The following CCSER1 variants were observed in gnomAD, a reference collection of about 807,000 sequenced individuals.
CCSER1 encodes the protein coiled-coil serine rich protein 1.
Under a neutral mutation model 82.0 loss-of-function variants are expected in CCSER1, and 41 were observed. The ratio of observed to expected loss-of-function variants is 0.50; its 90% CI spans 0.39 to 0.65. CCSER1 has a LOEUF of 0.65. CCSER1 is among the 30% of genes least tolerant of loss of function. The pLI is 0.00. For missense variants in CCSER1, 1,119 were observed against 1,064.2 expected (o/e 1.05, Z -0.72); for synonymous variants, 414 against 383.9 (o/e 1.08, Z -0.92).
intron 7 of CCSER1, among the ~76,000 whole-genome samples, chr4:90,802,313 G>A (rs929123983): frequency 1.4e-5 from 2 of 148,008 alleles, no homozygotes; most frequent in African/African-American, 2.5e-5. Flanking sequence ...AATTCTGTGG[G>A]TAAACTATGT....
intron 6 of CCSER1, among the ~76,000 whole-genome samples, chr4:90,653,327 A>T (rs567430339): frequency 6.6e-6 from 1 of 152,162 alleles, no homozygotes; most frequent in Non-Finnish European, 1.5e-5. Context: ...GCGCAGTGGT[A>T]TCATGTGTTA....
At chr4:90,492,442 A>G (rs1315615930) in intron 5 of CCSER1, among the ~76,000 whole-genome samples, 1 of 151,996 alleles carries the variant, frequency 6.6e-6, no homozygotes, top group African/African-American at 2.4e-5. Flanking sequence ...GAGACTATCA[A>G]TTTTGTTGAT....
At chr4:90,420,949 TC>T (rs1756592385) in intron 4 of CCSER1, among the ~76,000 whole-genome samples, 1 of 152,072 alleles carries the variant, frequency 6.6e-6, no homozygotes, top group Non-Finnish European at 1.5e-5. Context: ...TGTGGTGACA[TC>T]TCCATACAAT....
intron 10 of CCSER1, among the ~76,000 whole-genome samples, chr4:91,446,483 T>A (rs896162866): frequency 1.3e-5 from 2 of 151,766 alleles, no homozygotes; most frequent in African/African-American, 4.8e-5. Context: ...ATGGAAACTT[T>A]CAAAATTCAA....
intron 3 of CCSER1, among the ~76,000 whole-genome samples, chr4:90,376,957 C>A (rs546794655): frequency 6.6e-6 from 1 of 152,248 alleles, no homozygotes; most frequent in African/African-American, 2.4e-5. Flanking sequence ...CAAAGGTTTG[C>A]GTTTCACCTG....
At chr4:91,103,466 G>A (rs1725288100) in intron 10 of CCSER1, among the ~76,000 whole-genome samples, 1 of 152,072 alleles carries the variant, frequency 6.6e-6, no homozygotes, top group African/African-American at 2.4e-5. Flanking sequence ...ACATTGTGTT[G>A]TCAAACTATT....
At chr4:91,103,392 A>G (rs531013971) in intron 10 of CCSER1, among the ~76,000 whole-genome samples, 1 of 152,222 alleles carries the variant, frequency 6.6e-6, no homozygotes, top group South Asian at 2.1e-4. Flanking sequence ...TGTCATCGGA[A>G]CCTTTTAAAT....
intron 10 of CCSER1, among the ~76,000 whole-genome samples, chr4:91,415,708 C>T (rs1753319439): frequency 6.6e-6 from 1 of 152,070 alleles, no homozygotes; most frequent in Admixed American, 6.6e-5. Context: ...TGATGAATTA[C>T]ATTTATTGCT....
At chr4:90,413,897 C>T (rs1451366970) in intron 4 of CCSER1, among the ~76,000 whole-genome samples, 2 of 124,740 alleles carry the variant, frequency 1.6e-5, no homozygotes, top group Non-Finnish European at 3.1e-5. Context: ...TGCAGTGAGC[C>T]AAGATTGCGC....
At chr4:90,671,991 G>T (rs1732884319) in intron 6 of CCSER1, among the ~76,000 whole-genome samples, 1 of 151,944 alleles carries the variant, frequency 6.6e-6, no homozygotes, top group Non-Finnish European at 1.5e-5. Context: ...TAAGGAGTAG[G>T]TCTCAACAGT....
chr4:90,575,859 C>T (rs1780697448), intron 5 of CCSER1, among the ~76,000 whole-genome samples: 1 of 152,080 alleles, frequency 6.6e-6, no homozygotes, highest in African/African-American at 2.4e-5. Flanking sequence ...TTCTGATTCC[C>T]TTTCCTTTGT....
At chr4:91,544,316 A>T (rs1761769946) in intron 10 of CCSER1, among the ~76,000 whole-genome samples, 1 of 152,120 alleles carries the variant, frequency 6.6e-6, no homozygotes, top group Non-Finnish European at 1.5e-5. Context: ...CAACTCGTCA[A>T]AGTCATTCTC....
chr4:91,064,952 C>T (rs1218437072), intron 9 of CCSER1, among the ~76,000 whole-genome samples: 1 of 151,582 alleles, frequency 6.6e-6, no homozygotes, highest in Non-Finnish European at 1.5e-5. Flanking sequence ...CCTAGGTTTT[C>T]AATTTTTTTT....
intron 10 of CCSER1, among the ~76,000 whole-genome samples, chr4:91,288,094 GATATATATATAGGAT>G (rs1000591080): frequency 5.0e-5 from 7 of 140,956 alleles, no homozygotes; most frequent in African/African-American, 1.9e-4. Context: ...ATATATATAG[GATATATATATAGGAT>G]ATATATATAT....
intron 10 of CCSER1, among the ~76,000 whole-genome samples, chr4:91,339,762 G>A (rs1747579519): frequency 6.6e-6 from 1 of 152,094 alleles, no homozygotes; most frequent in Non-Finnish European, 1.5e-5. Flanking sequence ...ATGCCTGAAA[G>A]CATAGATAGT....
At chr4:90,161,649 G>C (rs1415675874) in intron 1 of CCSER1, among the ~76,000 whole-genome samples, 1 of 151,956 alleles carries the variant, frequency 6.6e-6, no homozygotes, top group Non-Finnish European at 1.5e-5. Flanking sequence ...ATCTAAAAAA[G>C]TTTTAAGCAC....
At chr4:90,210,933 A>G (rs1466635287) in intron 1 of CCSER1, among the ~76,000 whole-genome samples, 1 of 152,116 alleles carries the variant, frequency 6.6e-6, no homozygotes, top group Non-Finnish European at 1.5e-5. Context: ...TAGCTTTATG[A>G]GAATTCTGTT....
chr4:91,063,487 T>C (rs954771701), intron 9 of CCSER1, among the ~76,000 whole-genome samples: 18 of 152,246 alleles, frequency 1.2e-4, no homozygotes, highest in African/African-American at 3.6e-4. Flanking sequence ...ATGTTTTAAG[T>C]TGAAGTAGAT....
intron 9 of CCSER1, among the ~76,000 whole-genome samples, chr4:90,933,132 AGTGTGTGTGTGTGTGTGTGTGTGT>A (rs536402295): frequency 4.3e-5 from 3 of 70,168 alleles, no homozygotes; most frequent in African/African-American, 2.2e-4. Context: ...GTTACCTAGA[AGTGTGTGTGTGTGTGTGTGTGTGT>A]GTGTGTGTGT....
Sources: gnomAD v4.1 joint callset for allele counts (sites outside exome capture counted in the v4.1 genomes callset) on GRCh38, gnomAD v4.1.1 for gene constraint, MANE v1.5 for transcripts, NCBI Gene and HGNC (gene_info 2026-07-23, HGNC 2026-07-21) for gene names.